The following CAMTA1 variants were observed in gnomAD, a reference collection of about 807,000 sequenced individuals.
The protein encoded by CAMTA1 is calmodulin binding transcription activator 1.
Under a neutral mutation model 170.9 loss-of-function variants are expected in CAMTA1, and 27 were observed. That is an observed-to-expected ratio of 0.16 (90% CI 0.12 to 0.22). The LOEUF (loss-of-function observed/expected upper bound fraction) is 0.22, where lower values mean the gene tolerates loss of function less well. Among genes scored for constraint, CAMTA1 ranks in the 10% least tolerant of loss-of-function variants. The pLI, the probability that CAMTA1 is intolerant of heterozygous loss-of-function variation, is 1.00. For missense variants in CAMTA1, 1,619 were observed against 2,217.2 expected (o/e 0.73, Z 5.42); for synonymous variants, 833 against 891.5 (o/e 0.93, Z 1.17).
intron 6 of CAMTA1, among the ~76,000 whole-genome samples, chr1:7,584,589 T>C (rs2095292631): frequency 6.6e-6 from 1 of 152,192 alleles, no homozygotes; most frequent in African/African-American, 2.4e-5. Flanking sequence ...GTACCCGCTC[T>C]GGGGTAGACA....
intron 5 of CAMTA1, among the ~76,000 whole-genome samples, chr1:7,465,482 T>A (rs1334354545): frequency 1.8e-5 from 2 of 112,102 alleles, no homozygotes; most frequent in African/African-American, 4.0e-5. Context: ...ACGCTTCTCA[T>A]CCAAGGAGAC....
At chr1:7,278,740 G>T (rs900482789) in intron 5 of CAMTA1, among the ~76,000 whole-genome samples, 3 of 152,186 alleles carry the variant, frequency 2.0e-5, no homozygotes, top group Non-Finnish European at 4.4e-5. Flanking sequence ...CCTTCCACAG[G>T]CCAGGAAGGG....
At position 7,135,469 on chromosome 1, in the gene CAMTA1, C is replaced by G. The variant is rs555203339; in HGVS notation, c.302+44098C>G. 8.8e-4 allele frequency among the ~76,000 whole-genome samples: 134 copies of G among 152,240 alleles called. No individual in the cohort carries two copies. The Middle Eastern group carries it at 0.017, about 19-fold the overall frequency. On this transcript the variant is annotated intron_variant, in intron 4 of 22. Transcript: ENST00000303635. ...GAGAGAAGGGAACAATTATACACTGCTGGTAGGGATGCAAATTAGTTCAGC... is the reference window on the plus strand; with the variant it reads ...GAGAGAAGGGAACAATTATACACTGGTGGTAGGGATGCAAATTAGTTCAGC...
At chr1:7,131,420 G>A (rs1299429901) in intron 4 of CAMTA1, among the ~76,000 whole-genome samples, 2 of 151,908 alleles carry the variant, frequency 1.3e-5, no homozygotes, top group Non-Finnish European at 2.9e-5. Context: ...TTTTCTCCTA[G>A]GTTTACAAGA....
chr1:7,330,042 CTT>C (rs1345324442), intron 5 of CAMTA1, among the ~76,000 whole-genome samples: 13 of 152,144 alleles, frequency 8.5e-5, no homozygotes, highest in Non-Finnish European at 1.8e-4. Flanking sequence ...TTCCCCAACA[CTT>C]TCTCTCGGGC....
chr1:7,477,421 A>G (rs539228952), intron 6 of CAMTA1, among the ~76,000 whole-genome samples: 3 of 152,308 alleles, frequency 2.0e-5, no homozygotes, highest in African/African-American at 7.2e-5. Context: ...TAAGGTAGAC[A>G]CTGGGAATTT....
intron 4 of CAMTA1, among the ~76,000 whole-genome samples, chr1:7,239,920 A>T (rs1269541726): frequency 4.7e-5 from 7 of 150,424 alleles, no homozygotes; most frequent in Admixed American, 4.0e-4. Flanking sequence ...CACTTTTATT[A>T]AAAAAAAGCC....
intron 4 of CAMTA1, among the ~76,000 whole-genome samples, chr1:7,132,888 T>C (rs1401408388): frequency 6.6e-6 from 1 of 152,230 alleles, no homozygotes; most frequent in African/African-American, 2.4e-5. Context: ...TGTCTTTTAG[T>C]TTGTTAATAG....
At chr1:7,389,395 T>C (rs1375173229) in intron 5 of CAMTA1, 3 of 152,424 alleles carry the variant, frequency 2.0e-5, no homozygotes, top group Non-Finnish European at 4.4e-5. Context: ...CACGTCAGCG[T>C]GTTCCCTTAG....
Position 7,221,448 on chromosome 1 carries a change from G to A in CAMTA1, c.303-28043G>A, listed in dbSNP as rs983300897. Among the ~76,000 whole-genome samples, 37 of 152,130 alleles carry A rather than the reference G, an allele frequency of 2.4e-4. 1 individual carries two copies. Among genetic ancestry groups the A allele is most frequent in the African/African-American group, 8.9e-4 (37 of 41,432 alleles). ...TCCGGCTTTTGGGTTTCCATAGTGT[G>A]CATTAGCCTTTGAAGGCCTCCAGGA... On this transcript the variant is annotated intron_variant, in intron 4 of 22. Transcript: ENST00000303635.
intron 11 of CAMTA1, among the ~76,000 whole-genome samples, chr1:7,686,748 T>C (rs747729065): frequency 6.6e-6 from 1 of 151,982 alleles, no homozygotes; most frequent in Non-Finnish European, 1.5e-5. Flanking sequence ...CAAGAGGCGA[T>C]TGTGGCTCTG....
At chr1:6,792,381 T>C (rs1478738644) in intron 1 of CAMTA1, among the ~76,000 whole-genome samples, 1 of 151,778 alleles carries the variant, frequency 6.6e-6, no homozygotes, top group Non-Finnish European at 1.5e-5. Context: ...TAGCTGTATA[T>C]TTCTAAGGTT....
At chr1:6,799,837 G>A (rs1427379387) in intron 1 of CAMTA1, among the ~76,000 whole-genome samples, 1 of 152,038 alleles carries the variant, frequency 6.6e-6, no homozygotes, top group Non-Finnish European at 1.5e-5. Flanking sequence ...TTAGTTGACC[G>A]CTTGTAACTG....
chr1:7,009,630 G>A (rs1256700652), intron 3 of CAMTA1, among the ~76,000 whole-genome samples: 1 of 152,236 alleles, frequency 6.6e-6, no homozygotes, highest in Admixed American at 6.5e-5. Flanking sequence ...GACACCTGCA[G>A]CTCCAGGAAG....
At chr1:7,076,993 T>C (rs1403586645) in intron 3 of CAMTA1, among the ~76,000 whole-genome samples, 1 of 152,276 alleles carries the variant, frequency 6.6e-6, no homozygotes, top group Non-Finnish European at 1.5e-5. Flanking sequence ...ACTTGTCTTA[T>C]GAAGGCAGGT....
intron 4 of CAMTA1, among the ~76,000 whole-genome samples, chr1:7,161,241 C>T (rs1455601702): frequency 3.3e-5 from 5 of 152,172 alleles, no homozygotes; most frequent in African/African-American, 1.2e-4. Context: ...TGCCCTTTTC[C>T]TATGGGCTTT....
At chr1:7,347,747 C>T (rs1216853714) in intron 5 of CAMTA1, among the ~76,000 whole-genome samples, 2 of 152,162 alleles carry the variant, frequency 1.3e-5, no homozygotes, top group Non-Finnish European at 2.9e-5. Flanking sequence ...GCAGCTGCGT[C>T]CCTGCATCCT....
At chr1:7,345,864 C>T (rs1011995730) in intron 5 of CAMTA1, among the ~76,000 whole-genome samples, 4 of 152,304 alleles carry the variant, frequency 2.6e-5, no homozygotes, top group East Asian at 1.9e-4. Context: ...AGAATCCCAC[C>T]GCATCTGTGG....
At chr1:7,322,593 C>G (rs967738372) in intron 5 of CAMTA1, among the ~76,000 whole-genome samples, 1 of 152,250 alleles carries the variant, frequency 6.6e-6, no homozygotes, top group African/African-American at 2.4e-5. Flanking sequence ...GTAAAATGCT[C>G]AAGCCACTTT....
Sources: gnomAD v4.1 joint callset for allele counts (sites outside exome capture counted in the v4.1 genomes callset) on GRCh38, gnomAD v4.1.1 for gene constraint, MANE v1.5 for transcripts, NCBI Gene and HGNC (gene_info 2026-07-23, HGNC 2026-07-21) for gene names.